Variants in SGK3 observed in about 807,000 individuals in gnomAD.
The protein encoded by SGK3 is serine/threonine-protein kinase Sgk3.
Under a neutral mutation model 68.5 loss-of-function variants are expected in SGK3, and 47 were observed. The ratio of observed to expected loss-of-function variants is 0.69; its 90% CI spans 0.54 to 0.87. The LOEUF is 0.87. Among genes scored for constraint, SGK3 ranks in the 40% least tolerant of loss-of-function variants. The pLI, the probability that SGK3 is intolerant of heterozygous loss-of-function variation, is 0.00. For missense variants in SGK3, 479 were observed against 575.5 expected, an observed-to-expected ratio of 0.83 and a Z score of 1.72; for synonymous variants, 181 against 189.1, an observed-to-expected ratio of 0.96 and a Z score of 0.35.
At chr8:66,727,412 A>G (rs565564460) in intron 1 of SGK3, among the ~76,000 whole-genome samples, 1 of 152,140 alleles carries the variant, frequency 6.6e-6, no homozygotes, top group Non-Finnish European at 1.5e-5. Flanking sequence ...ATTCTTGTAT[A>G]CTACATTATC....
intron 1 of SGK3, among the ~76,000 whole-genome samples, chr8:66,789,399 T>G (rs570652681): frequency 6.6e-5 from 10 of 152,362 alleles, no homozygotes; most frequent in African/African-American, 2.2e-4. Context: ...TTCCAGAGTC[T>G]TCTTCATGGC....
chr8:66,840,814 C>T (rs554778105), intron 12 of SGK3: 5 of 316,662 alleles, frequency 1.6e-5, no homozygotes, highest in South Asian at 1.1e-4. Flanking sequence ...AGGTGGCACG[C>T]GCCTGTGGTC....
chr8:66,846,298 AT>A (rs1457447379), intron 14 of SGK3, among the ~76,000 whole-genome samples: 1 of 151,582 alleles, frequency 6.6e-6, no homozygotes, highest in Non-Finnish European at 1.5e-5. Context: ...TGTACAGCTC[AT>A]TTTTTTTCTC....
intron 16 of SGK3, among the ~76,000 whole-genome samples, chr8:66,857,948 A>G (rs1296620412): frequency 6.6e-6 from 1 of 152,026 alleles, no homozygotes. Context: ...CAGGACTCGG[A>G]AGCCCTCCAG....
At chr8:66,850,775 T>G (rs1358121207) in intron 15 of SGK3, 56 bp from the exon 16 acceptor site, 3 of 1,507,302 alleles carry the variant, frequency 2.0e-6, no homozygotes, top group Admixed American at 4.2e-5. Flanking sequence ...AATTATGCAG[T>G]TAGTACTTAA....
intron 1 of SGK3, among the ~76,000 whole-genome samples, chr8:66,734,726 C>A (rs1805268363): frequency 6.6e-6 from 1 of 152,022 alleles, no homozygotes; most frequent in Admixed American, 6.6e-5. Context: ...GTGGGCAGAT[C>A]ACTTGAGGTC....
In SGK3 at chr8:66,767,698, G is replaced by A. The variant is rs753884025; in HGVS notation, c.-121-25918G>A. On this transcript the variant is annotated intron_variant, in intron 1 of 16. Coordinates refer to ENST00000521198, the MANE Select transcript of SGK3 (RefSeq NM_001033578.3). ...ATAGCCATCATCTGAGGCAGGAACA[G>A]AGTTTTTTGCTTTAACAGTCTTCTC... 7 of 1,447,572 alleles carry A rather than the reference G, an allele frequency of 4.8e-6. No individual in the cohort carries two copies. In the Admixed American group the frequency reaches 6.7e-5, roughly 14 times the overall value. 89.7% of individuals were successfully genotyped at this position (1,447,572 alleles called of 1,614,324 possible).
At chr8:66,819,581 A>G (rs1015470079) in intron 5 of SGK3, among the ~76,000 whole-genome samples, 1 of 152,198 alleles carries the variant, frequency 6.6e-6, no homozygotes, top group African/African-American at 2.4e-5. Flanking sequence ...AATGTTTATT[A>G]TGTAATTTTA....
At chr8:66,825,676 T>C (rs1314766664) in intron 6 of SGK3, among the ~76,000 whole-genome samples, 6 of 152,180 alleles carry the variant, frequency 3.9e-5, no homozygotes, top group Non-Finnish European at 7.3e-5. Context: ...CATCTGGACC[T>C]ACTCCCTTAT....
chr8:66,723,127 ATATAT>A (rs1804867102), intron 1 of SGK3, among the ~76,000 whole-genome samples: 1 of 49,392 alleles, frequency 2.0e-5, no homozygotes, highest in Admixed American at 2.5e-4. Flanking sequence ...ATATATATAT[ATATAT>A]TTTTTTTTTT....
chr8:66,771,609 G>A (rs1806514897), intron 1 of SGK3, among the ~76,000 whole-genome samples: 1 of 152,158 alleles, frequency 6.6e-6, no homozygotes, highest in Non-Finnish European at 1.5e-5. Flanking sequence ...AAGAAATGCT[G>A]TGTGATTCTT....
intron 16 of SGK3, among the ~76,000 whole-genome samples, chr8:66,857,563 C>T (rs1004059727): frequency 9.2e-5 from 14 of 152,004 alleles, no homozygotes; most frequent in Non-Finnish European, 1.9e-4. Flanking sequence ...GGGAGGATTG[C>T]TTGAGCCTAG....
chr8:66,759,680 T>G (rs987050886), intron 1 of SGK3, among the ~76,000 whole-genome samples: 3 of 151,914 alleles, frequency 2.0e-5, no homozygotes, highest in Admixed American at 2.0e-4. Context: ...TTTGTTTGTT[T>G]GAGATGGAGT....
At chr8:66,758,011 T>TACACACACACACACACACACACACAC (rs374764386) in intron 1 of SGK3, among the ~76,000 whole-genome samples, 12 of 133,704 alleles carry the variant, frequency 9.0e-5, no homozygotes, top group African/African-American at 3.1e-4. Flanking sequence ...ACACACACAC[T>TACACACACACACACACACACACACAC]ACACACACAC....
chr8:66,786,059 C>T (rs1030863358), intron 1 of SGK3, among the ~76,000 whole-genome samples: 3 of 152,162 alleles, frequency 2.0e-5, no homozygotes, highest in Non-Finnish European at 2.9e-5. Context: ...TTATGTCAAT[C>T]CCCTTCTTAC....
intron 1 of SGK3, among the ~76,000 whole-genome samples, chr8:66,753,857 C>T (rs1339412303): frequency 1.3e-5 from 2 of 152,092 alleles, no homozygotes; most frequent in Admixed American, 1.3e-4. Context: ...ATGATCTCCC[C>T]CTCTCCATAC....
chr8:66,744,530 T>TGTTTTG (rs1563605813), intron 1 of SGK3, among the ~76,000 whole-genome samples: 1 of 119,320 alleles, frequency 8.4e-6, no homozygotes, highest in African/African-American at 3.1e-5. Context: ...TTTTTTTTTT[T>TGTTTTG]TTTTTTTTTT....
chr8:66,785,143 C>T (rs574158805), intron 1 of SGK3, among the ~76,000 whole-genome samples: 13 of 152,334 alleles, frequency 8.5e-5, no homozygotes, highest in African/African-American at 1.4e-4. Context: ...CTTTCTGTAA[C>T]GCAGTTGCCT....
Position 66,796,321 on chromosome 8 carries a change from A to ATTTTTTT in SGK3, c.97-2196_97-2190dup, listed in dbSNP as rs71249408. On this transcript the variant is annotated intron_variant, in intron 2 of 16. Coordinates refer to ENST00000521198, the MANE Select transcript of SGK3 (RefSeq NM_001033578.3). ...CCAGCTAATTTTTTGTATTTTTTGT[A>ATTTTTTT]TTTTTTTTTTTTTTTTTTTTTTTTT... Among the ~76,000 whole-genome samples the ATTTTTTT allele has an allele frequency of 4.4e-4, 18 of 41,358 alleles. 1 individual carries two copies. The highest frequency in any genetic ancestry group is 6.4e-4 in the African/African-American group (8 of 12,502). 27.1% of individuals were successfully genotyped at this position (41,358 alleles called of 152,430 possible).
Sources: gnomAD v4.1 joint callset for allele counts (sites outside exome capture counted in the v4.1 genomes callset) on GRCh38, gnomAD v4.1.1 for gene constraint, MANE v1.5 for transcripts, NCBI Gene and HGNC (gene_info 2026-07-23, HGNC 2026-07-21) for gene names.